Variants in EFNA5 observed in about 807,000 individuals in gnomAD.
EFNA5 encodes ephrin-A5.
A neutral mutation model predicts 22.9 loss-of-function variants in EFNA5; 5 were observed. That is an observed-to-expected ratio of 0.22 (90% CI 0.11 to 0.46). The LOEUF (loss-of-function observed/expected upper bound fraction) is 0.46, where lower values mean the gene tolerates loss of function less well. Among genes scored for constraint, EFNA5 ranks in the 20% least tolerant of loss-of-function variants. The probability of loss-of-function intolerance (pLI) is 0.99; values close to 1 mark genes in which losing one functional copy is unlikely to be tolerated. For missense variants in EFNA5, 237 were observed against 293.3 expected (o/e 0.81, Z 1.40); for synonymous variants, 113 against 112.2 (o/e 1.01, Z -0.04).
At chr5:107,515,881 G>A (rs1334021667) in intron 1 of EFNA5, among the ~76,000 whole-genome samples, 1 of 152,140 alleles carries the variant, frequency 6.6e-6, no homozygotes, top group Non-Finnish European at 1.5e-5. Context: ...TCATCCCAAA[G>A]CAGTTTAAAA....
At chr5:107,507,894 T>C (rs1289467185) in intron 1 of EFNA5, among the ~76,000 whole-genome samples, 1 of 152,222 alleles carries the variant, frequency 6.6e-6, no homozygotes, top group Non-Finnish European at 1.5e-5. Flanking sequence ...TATTGGACAA[T>C]GCCACTCTGG....
At chr5:107,640,417 T>C (rs1750476563) in intron 1 of EFNA5, among the ~76,000 whole-genome samples, 1 of 152,348 alleles carries the variant, frequency 6.6e-6, no homozygotes, top group South Asian at 2.1e-4. Flanking sequence ...TGTAGAATTA[T>C]GTGTAAATGT....
intron 1 of EFNA5, among the ~76,000 whole-genome samples, chr5:107,565,235 A>G (rs1428858200): frequency 6.6e-6 from 1 of 152,218 alleles, no homozygotes; most frequent in African/African-American, 2.4e-5. Context: ...CTGAAAGACC[A>G]CAGAGTAGCA....
intron 1 of EFNA5, among the ~76,000 whole-genome samples, chr5:107,626,271 T>A (rs1180155569): frequency 6.6e-6 from 1 of 152,178 alleles, no homozygotes; most frequent in Non-Finnish European, 1.5e-5. Flanking sequence ...TGTCTTCTTT[T>A]TTTTTCTTAC....
intron 1 of EFNA5, among the ~76,000 whole-genome samples, chr5:107,438,133 C>A (rs908618464): frequency 3.9e-5 from 6 of 152,156 alleles, no homozygotes; most frequent in Non-Finnish European, 8.8e-5. Context: ...GCTCTGTAAT[C>A]GTCAGACTTT....
chr5:107,380,948 C>A lies in EFNA5; in HGVS notation c.*307G>T, dbSNP rs1303383161. 3 of 435,938 alleles carry A rather than the reference C, an allele frequency of 6.9e-6. No individual in the cohort carries two copies. Among genetic ancestry groups the A allele is most frequent in the Non-Finnish European group, 1.2e-5 (3 of 244,244 alleles). 27.0% of individuals were successfully genotyped at this position (435,938 alleles called of 1,614,324 possible). A position where few individuals can be genotyped will look rare whatever the true frequency, so the allele number is the denominator to read the frequency against. ...GTTCTTAGAGGAGAATGCACAGGAG[C>A]TGACGAACCACTGGTGTCACTATGA... On this transcript the variant is annotated 3_prime_UTR_variant, in exon 5 of 5. Coordinates refer to ENST00000333274, the MANE Select transcript of EFNA5 (RefSeq NM_001962.3).
chr5:107,484,530 G>T (rs764568567), intron 1 of EFNA5, among the ~76,000 whole-genome samples: 3 of 152,168 alleles, frequency 2.0e-5, no homozygotes, highest in Non-Finnish European at 4.4e-5. Context: ...GTACCAGATG[G>T]TCTCTTGAGA....
chr5:107,639,132 T>G (rs1352565132), intron 1 of EFNA5, among the ~76,000 whole-genome samples: 1 of 152,188 alleles, frequency 6.6e-6, no homozygotes, highest in Admixed American at 6.5e-5. Flanking sequence ...ATTTTCCCAT[T>G]TTTCTCTATC....
intron 2 of EFNA5, among the ~76,000 whole-genome samples, chr5:107,394,846 T>C (rs1315573849): frequency 1.3e-5 from 2 of 152,192 alleles, no homozygotes; most frequent in African/African-American, 4.8e-5. Flanking sequence ...TATATATTTA[T>C]CTGAAGTATG....
rs1469602315 is a variant in EFNA5, at chr5:107,495,693, G to A, written c.126-68184C>T. Among the ~76,000 whole-genome samples, 8 of 152,076 alleles carry A rather than the reference G, an allele frequency of 5.3e-5. No individual in the cohort carries two copies. The South Asian group carries it at 6.2e-4, about 12-fold the overall frequency. On this transcript the variant is annotated intron_variant, in intron 1 of 4. Coordinates refer to ENST00000333274, the MANE Select transcript of EFNA5 (RefSeq NM_001962.3). ...CTCAAGCAGTTTGAAACTCCTTGGC[G>A]CCTCCTCTCCACCAAAAAAGGAGGA...
intron 1 of EFNA5, among the ~76,000 whole-genome samples, chr5:107,619,409 G>A (rs1374178855): frequency 6.6e-6 from 1 of 151,616 alleles, no homozygotes; most frequent in Non-Finnish European, 1.5e-5. Flanking sequence ...TAAAATGCAA[G>A]AAGGTAAATT....
At chr5:107,547,025 G>A (rs1227707916) in intron 1 of EFNA5, among the ~76,000 whole-genome samples, 2 of 152,162 alleles carry the variant, frequency 1.3e-5, no homozygotes, top group Non-Finnish European at 2.9e-5. Flanking sequence ...GAAGTAAGGA[G>A]CAGAAAAGAA....
Position 107,460,730 on chromosome 5 carries a change from C to T in EFNA5, c.126-33221G>A, listed in dbSNP as rs1580466505. Among the ~76,000 whole-genome samples the T allele has an allele frequency of 2.0e-5, 3 of 152,104 alleles. No homozygotes were observed. In the South Asian group the frequency reaches 6.2e-4, roughly 31 times the overall value. On this transcript the variant is annotated intron_variant, in intron 1 of 4. Transcript: ENST00000333274. ...AGAGGGAGAAGACAAATGGTACCAACGTTACCATAAACCTTAAAGGTTCAT... is the reference window on the plus strand; with the variant it reads ...AGAGGGAGAAGACAAATGGTACCAATGTTACCATAAACCTTAAAGGTTCAT...
chr5:107,457,729 G>A (rs1487099832), intron 1 of EFNA5, among the ~76,000 whole-genome samples: 2 of 152,122 alleles, frequency 1.3e-5, no homozygotes, highest in African/African-American at 4.8e-5. Context: ...AGTGTGAGCA[G>A]GAGAGAGAAT....
At chr5:107,644,635 A>G (rs946176550) in intron 1 of EFNA5, among the ~76,000 whole-genome samples, 1 of 152,232 alleles carries the variant, frequency 6.6e-6, no homozygotes, top group African/African-American at 2.4e-5. Flanking sequence ...TAGATGCTCA[A>G]TCAAGAGTTT....
At chr5:107,425,842 G>A (rs1357616833) in intron 2 of EFNA5, among the ~76,000 whole-genome samples, 2 of 152,188 alleles carry the variant, frequency 1.3e-5, no homozygotes, top group Admixed American at 6.6e-5. Flanking sequence ...AACCGTGTAA[G>A]TTGTGAGTGG....
intron 4 of EFNA5, among the ~76,000 whole-genome samples, chr5:107,384,507 T>G (rs1233078897): frequency 6.6e-6 from 1 of 152,298 alleles, no homozygotes; most frequent in East Asian, 1.9e-4. Context: ...CCTTTCAGAC[T>G]TGCTGGGTTC....
At chr5:107,636,151 TTTATA>T (rs1260260160) in intron 1 of EFNA5, among the ~76,000 whole-genome samples, 43 of 152,312 alleles carry the variant, frequency 2.8e-4, no homozygotes, top group African/African-American at 1.0e-3. Context: ...GAAAACATAT[TTTATA>T]TATGTGTGTG....
At chr5:107,488,987 G>A (rs767424853) in intron 1 of EFNA5, among the ~76,000 whole-genome samples, 16 of 151,796 alleles carry the variant, frequency 1.1e-4, no homozygotes, top group Non-Finnish European at 2.2e-4. Context: ...CACTGCGCCC[G>A]GCCACAAAAA....
Sources: allele counts gnomAD v4.1 joint callset (sites outside exome capture counted in the v4.1 genomes callset), GRCh38; gene constraint gnomAD v4.1.1; transcripts MANE v1.5; gene names NCBI Gene and HGNC (gene_info 2026-07-23, HGNC 2026-07-21).